CXADR: variants seen among roughly 807,000 people sequenced by gnomAD.
CXADR encodes CXADR cell adhesion molecule.
In CXADR, 20 loss-of-function variants were observed where a neutral mutation model predicts 40.3. The ratio of observed to expected loss-of-function variants is 0.50; its 90% CI spans 0.35 to 0.72. The LOEUF is 0.72. Ranked by LOEUF, CXADR falls within the 30% of genes least tolerant of loss-of-function variation. The probability of loss-of-function intolerance (pLI) is 0.01; values close to 1 mark genes in which losing one functional copy is unlikely to be tolerated. For synonymous variants in CXADR, 150 were observed against 161.3 expected (o/e 0.93, Z 0.53); for missense variants, 332 against 449.1 (o/e 0.74, Z 2.36).
chr21:17,593,514 G>T, exon 8 of CXADR: 1 of 193,612 alleles, frequency 5.2e-6, no homozygotes, highest in Non-Finnish European at 1.0e-5. Context: ...TTTAGGAAAA[G>T]TATGGTTAAT....
chr21:17,575,592 G>A (rs1056955639), intron 7 of CXADR, among the ~76,000 whole-genome samples: 1 of 150,738 alleles, frequency 6.6e-6, no homozygotes, highest in African/African-American at 2.4e-5. Context: ...CCGGGTTCAC[G>A]CCATTCTCCT....
the CXADR span, among the ~76,000 whole-genome samples, chr21:17,624,606 T>A: frequency 6.6e-6 from 1 of 152,220 alleles, no homozygotes; most frequent in Non-Finnish European, 1.5e-5. Flanking sequence ...CATGTGACTC[T>A]ATTGGACCCA....
At chr21:17,599,043 C>A in the CXADR span, 8 of 401,118 alleles carry the variant, frequency 2.0e-5, no homozygotes, top group Non-Finnish European at 3.1e-5. Context: ...ATAAACATAA[C>A]CCCATTTTCT....
intron 7 of CXADR, among the ~76,000 whole-genome samples, chr21:17,579,895 A>AC (rs2061348517): frequency 6.6e-6 from 1 of 151,522 alleles, no homozygotes; most frequent in Admixed American, 6.6e-5. Flanking sequence ...AAAAAAAAAA[A>AC]CAACCTTTCC....
the CXADR span, among the ~76,000 whole-genome samples, chr21:17,599,554 T>C: frequency 6.8e-6 from 1 of 148,024 alleles, no homozygotes; most frequent in Non-Finnish European, 1.5e-5. Context: ...CTCGGCCCAC[T>C]ACAATCTCCA....
chr21:17,603,362 G>T, the CXADR span, among the ~76,000 whole-genome samples: 1 of 152,094 alleles, frequency 6.6e-6, no homozygotes, highest in Non-Finnish European at 1.5e-5. Context: ...AAGAAGTATT[G>T]GAGAATGTTT....
the CXADR span, chr21:17,611,828 T>C: frequency 6.6e-6 from 1 of 151,552 alleles, no homozygotes; most frequent in Non-Finnish European, 1.5e-5. Context: ...CTCGCAGGAG[T>C]TTATAACTTT....
At chr21:17,632,730 G>A in the CXADR span, among the ~76,000 whole-genome samples, 1,115 of 152,214 alleles carry the variant, frequency 7.3e-3, 21 homozygotes, top group African/African-American at 0.025. Context: ...TTAGCCGGGC[G>A]TGGGGGCAGG....
rs1450809276 is a variant in CXADR at position 17,534,056 on chromosome 21, A to T, written c.44-12971A>T. Reference sequence around the variant, plus strand: ...TATATATATATATATACACATATATATAGCTATATATATACACACACACAC... The same window carrying T: ...TATATATATATATATACACATATATTTAGCTATATATATACACACACACAC... On this transcript the variant is annotated intron_variant, in intron 1 of 6. Transcript: ENST00000284878. Among the ~76,000 whole-genome samples, 2 of 116,296 alleles carry T rather than the reference A, an allele frequency of 1.7e-5. 1 individual carries two copies. Among genetic ancestry groups the T allele is most frequent in the Non-Finnish European group, 3.7e-5 (2 of 54,290 alleles). The allele number at this position is 116,296 out of a possible 152,430, so 76.3% of individuals were successfully genotyped here.
At chr21:17,536,115 T>A (rs1208071153) in intron 1 of CXADR, among the ~76,000 whole-genome samples, 2 of 152,232 alleles carry the variant, frequency 1.3e-5, no homozygotes, top group Non-Finnish European at 2.9e-5. Context: ...CAGTGTGTAA[T>A]CTTTTTTCCT....
chr21:17,535,861 A>G (rs2060748319), intron 1 of CXADR, among the ~76,000 whole-genome samples: 1 of 152,120 alleles, frequency 6.6e-6, no homozygotes, highest in Non-Finnish European at 1.5e-5. Context: ...TACAAAAATT[A>G]GTGGGGCATG....
intron 7 of CXADR, among the ~76,000 whole-genome samples, chr21:17,583,376 G>A (rs967396704): frequency 5.3e-5 from 8 of 152,114 alleles, no homozygotes; most frequent in Admixed American, 2.0e-4. Context: ...AAACAGAAAC[G>A]TCCATAGGCT....
downstream of CXADR, chr21:17,593,827 G>C: frequency 2.5e-6 from 1 of 405,406 alleles, no homozygotes; most frequent in Non-Finnish European, 4.4e-6. Flanking sequence ...ATCCAACAGA[G>C]TTGATGCACA....
intron 1 of CXADR, among the ~76,000 whole-genome samples, chr21:17,534,433 G>A (rs901509469): frequency 2.0e-5 from 3 of 152,048 alleles, no homozygotes; most frequent in African/African-American, 7.2e-5. Context: ...GAGTTAATTA[G>A]TGTTAACATA....
intron 6 of CXADR, among the ~76,000 whole-genome samples, chr21:17,561,829 G>A (rs1183595917): frequency 3.3e-5 from 5 of 152,078 alleles, no homozygotes; most frequent in Admixed American, 2.6e-4. Context: ...CAAGTAATCT[G>A]GAAGTTTGTA....
chr21:17,556,386 G>T (rs965372463), intron 3 of CXADR, among the ~76,000 whole-genome samples: 2 of 152,230 alleles, frequency 1.3e-5, no homozygotes, highest in Non-Finnish European at 2.9e-5. Flanking sequence ...TGGACGGGTT[G>T]TAGTGAGGCC....
chr21:17,589,670 G>A (rs183888373), intron 7 of CXADR, among the ~76,000 whole-genome samples: 1 of 151,766 alleles, frequency 6.6e-6, no homozygotes, highest in Non-Finnish European at 1.5e-5. Context: ...TTATTAAACT[G>A]TTCATCTATT....
the CXADR span, among the ~76,000 whole-genome samples, chr21:17,618,407 T>A: frequency 6.6e-6 from 1 of 152,254 alleles, no homozygotes; most frequent in Non-Finnish European, 1.5e-5. Context: ...CTCCTGTGAA[T>A]TGCGAATGTT....
the CXADR span, among the ~76,000 whole-genome samples, chr21:17,607,742 T>A: frequency 6.4e-3 from 967 of 152,148 alleles, 59 homozygotes; most frequent in East Asian, 0.13. Flanking sequence ...AATAAAAGAG[T>A]ATTTCTGTAG....
Sources: gnomAD v4.1 joint callset for allele counts (sites outside exome capture counted in the v4.1 genomes callset) on GRCh38, gnomAD v4.1.1 for gene constraint, MANE v1.5 for transcripts, NCBI Gene and HGNC (gene_info 2026-07-23, HGNC 2026-07-21) for gene names.